The following GLB1L2 variants were observed in gnomAD, a reference collection of about 807,000 sequenced individuals.
GLB1L2 encodes beta-galactosidase-1-like protein 2.
In GLB1L2, 68 loss-of-function variants were observed where a neutral mutation model predicts 84.1. The observed-to-expected ratio is 0.81, with a 90% CI of 0.67 to 0.99. The LOEUF (loss-of-function observed/expected upper bound fraction) is 0.99, where lower values mean the gene tolerates loss of function less well. GLB1L2 is among the 50% of genes least tolerant of loss of function. GLB1L2 has a pLI of 0.00. For synonymous variants in GLB1L2, 290 were observed against 318.0 expected (o/e 0.91, Z 0.94); for missense variants, 762 against 805.6 (o/e 0.95, Z 0.66).
In GLB1L2 at chr11:134,334,836, C is replaced by T. The variant is rs750232308; in HGVS notation, c.86+2689C>T. Among the ~76,000 whole-genome samples the T allele has an allele frequency of 6.6e-5, 10 of 152,142 alleles. No individual in the cohort carries two copies. Among genetic ancestry groups the T allele is most frequent in the East Asian group, 1.9e-4 (1 of 5,196 alleles). On this transcript the variant is annotated intron_variant, in intron 1 of 18. Transcript: ENST00000535456. The surrounding 1 kb of genome is among the most constrained non-coding windows in gnomAD (Gnocchi z 4.1). Reference sequence around the variant, plus strand: ...CTGCGATGCACGTATCAGTGCGAACCGTGCCTTTGAGCCAGTTGCCTTTCA... The same window carrying T: ...CTGCGATGCACGTATCAGTGCGAACTGTGCCTTTGAGCCAGTTGCCTTTCA...
intron 10 of GLB1L2, 27 bp from the exon 11 acceptor site, chr11:134,369,778 A>G: frequency 6.3e-7 from 1 of 1,599,794 alleles, no homozygotes; most frequent in Non-Finnish European, 8.6e-7. Flanking sequence ...GACAGGAATG[A>G]CCATGACAGG....
chr11:134,371,639 T>A, intron 14 of GLB1L2, 113 bp from the exon 15 acceptor site: 1 of 1,154,152 alleles, frequency 8.7e-7, no homozygotes, highest in Non-Finnish European at 1.3e-6. Flanking sequence ...TCTGCCCAGC[T>A]GGGATGTACA....
chr11:134,342,802 G>A lies in GLB1L2; in HGVS notation c.135G>A (p.Leu45=). 1 of 1,614,046 alleles carries A rather than the reference G, an allele frequency of 6.2e-7. No individual in the cohort carries two copies. Among genetic ancestry groups the A allele is most frequent in the Non-Finnish European group, 8.5e-7 (1 of 1,180,018 alleles). Residue 45 remains leucine (L), a synonymous_variant, in exon 2 of 19, where the codon CTG becomes CTA. Coordinates refer to ENST00000535456, the MANE Select transcript of GLB1L2 (RefSeq NM_001370461.1). ...LVPLRLRHRQ[L]GLQAKGWNFM... ...CTCTGCGGCTCCGCCATCGACAGCTGGGGCTGCAGGCCAAGGGCTGGAACT... is the reference window on the plus strand; with the variant it reads ...CTCTGCGGCTCCGCCATCGACAGCTAGGGCTGCAGGCCAAGGGCTGGAACT...
At chr11:134,359,463 G>A in intron 7 of GLB1L2, 1 of 220,180 alleles carries the variant, frequency 4.5e-6, no homozygotes, top group Non-Finnish European at 8.9e-6. Context: ...AGCTGCATGG[G>A]CCCCGAACCT....
chr11:134,369,937 C>T, intron 11 of GLB1L2, 52 bp downstream of exon 11: 2 of 1,470,800 alleles, frequency 1.4e-6, no homozygotes, highest in Non-Finnish European at 1.9e-6. Context: ...CGCTTCTGCT[C>T]TCAGACCCCT....
intron 7 of GLB1L2, 25 bp downstream of exon 7, chr11:134,359,166 G>A (rs1329373475): frequency 2.0e-6 from 3 of 1,537,586 alleles, no homozygotes; most frequent in African/African-American, 2.8e-5. Context: ...GTTGGGCCGT[G>A]GGGGCTGGCG....
Position 134,342,040 on chromosome 11 carries a change from TG to T in GLB1L2, c.87-711del, listed in dbSNP as rs1211151016. 5.9e-5 allele frequency among the ~76,000 whole-genome samples: 9 copies of T among 151,992 alleles called. 1 individual carries two copies. The highest frequency in any genetic ancestry group is 2.2e-4 in the African/African-American group (9 of 41,334). ...TTCCTGACCTTCCTGACTTGAAATG[TG>T]GGTCTCCCCAGCTTCTCGCACGGCT... is the stretch of plus-strand genomic sequence containing the variant. On this transcript the variant is annotated intron_variant, in intron 1 of 18. Transcript: ENST00000535456.
chr11:134,371,338 G>T, intron 13 of GLB1L2, 83 bp from the exon 14 acceptor site: 1 of 1,167,768 alleles, frequency 8.6e-7, no homozygotes, highest in Non-Finnish European at 1.3e-6. Context: ...ACAGGCACGC[G>T]TGCTGCCCTT....
intron 8 of GLB1L2, among the ~76,000 whole-genome samples, chr11:134,365,267 G>A (rs905832741): frequency 1.3e-5 from 2 of 152,244 alleles, no homozygotes; most frequent in African/African-American, 2.4e-5. Flanking sequence ...CAGAGTAGGC[G>A]AGGAGGCTCC....
chr11:134,371,821 C>G lies in GLB1L2; in HGVS notation c.1498C>G (p.Gln500Glu), dbSNP rs372421571. Reference sequence around the variant, plus strand: ...CAACTATGGGGAGAATATTGATGACCAGCGCAAAGGTGGGTCCCAGAATGT... The same window carrying G: ...CAACTATGGGGAGAATATTGATGACGAGCGCAAAGGTGGGTCCCAGAATGT... The part of the protein sequence containing the change: ...RVNYGENIDD[Q>E]RKGLIGNLYL... Residue 500 changes from glutamine to glutamate, a missense_variant, in exon 15 of 19, where the codon CAG becomes GAG. Around this residue, in one of 3 missense-constraint regions of GLB1L2, gnomAD observed 603 missense variants for 611.7 expected, o/e 0.99. Coordinates refer to ENST00000535456, the MANE Select transcript of GLB1L2 (RefSeq NM_001370461.1). 4 of 1,613,912 alleles carry G rather than the reference C, an allele frequency of 2.5e-6. No homozygotes were observed. The Admixed American group carries it at 6.7e-5, about 27-fold the overall frequency.
At chr11:134,347,141 G>A (rs1054095897) in intron 4 of GLB1L2, 184 bp from the exon 5 acceptor site, 15 of 606,840 alleles carry the variant, frequency 2.5e-5, no homozygotes, top group Non-Finnish European at 3.9e-5. Context: ...GCAGGAGTGC[G>A]GGTGGGTGCT....
At chr11:134,350,412 T>C (rs1943609478) in intron 5 of GLB1L2, among the ~76,000 whole-genome samples, 1 of 152,060 alleles carries the variant, frequency 6.6e-6, no homozygotes, top group Admixed American at 6.6e-5. Context: ...CAGCACTGAG[T>C]TCAATGTAAA....
chr11:134,349,393 T>C (rs1943594941), intron 5 of GLB1L2, among the ~76,000 whole-genome samples: 1 of 152,248 alleles, frequency 6.6e-6, no homozygotes, highest in Non-Finnish European at 1.5e-5. Context: ...ATAAAGCTGC[T>C]GTGAGCATGG....
At chr11:134,340,270 CAG>C (rs1402600630) in intron 1 of GLB1L2, among the ~76,000 whole-genome samples, 2 of 150,486 alleles carry the variant, frequency 1.3e-5, no homozygotes, top group African/African-American at 4.9e-5. Context: ...TCTTTAAAAA[CAG>C]TGATATTTTG....
At chr11:134,373,237 A>T (rs1297509789) in intron 15 of GLB1L2, among the ~76,000 whole-genome samples, 1 of 152,132 alleles carries the variant, frequency 6.6e-6, no homozygotes, top group Non-Finnish European at 1.5e-5. Flanking sequence ...AAGAGGACAC[A>T]TCTCTTCCCT....
chr11:134,374,518 C>A, intron 17 of GLB1L2, 84 bp from the exon 18 acceptor site: 1 of 1,101,004 alleles, frequency 9.1e-7, no homozygotes, highest in Non-Finnish European at 1.4e-6. Context: ...GTCTCCTGGA[C>A]CTGAGAGAAG....
At chr11:134,369,781 A>G (rs1421018922) in intron 10 of GLB1L2, 24 bp from the exon 11 acceptor site, 2 of 1,601,260 alleles carry the variant, frequency 1.2e-6, no homozygotes, top group Non-Finnish European at 1.7e-6. Flanking sequence ...AGGAATGACC[A>G]TGACAGGGCC....
chr11:134,354,178 G>A (rs147815445), intron 5 of GLB1L2, among the ~76,000 whole-genome samples: 1 of 151,662 alleles, frequency 6.6e-6, no homozygotes, highest in Non-Finnish European at 1.5e-5. Context: ...TTTTTATAAC[G>A]ATTCCCTTTA....
chr11:134,361,976 G>GGAGC (rs1943798613), intron 7 of GLB1L2, among the ~76,000 whole-genome samples: 1 of 152,154 alleles, frequency 6.6e-6, no homozygotes. Context: ...GCGCATCCGG[G>GGAGC]GAGCGGCCCA....
Sources: gnomAD v4.1 joint callset for allele counts (sites outside exome capture counted in the v4.1 genomes callset) on GRCh38, gnomAD v4.1.1 for gene constraint, gnomAD v4.1.1 regional missense constraint, Gnocchi (gnomAD v3.1) non-coding constraint, MANE v1.5 for transcripts, NCBI Gene and HGNC (gene_info 2026-07-23, HGNC 2026-07-21) for gene names.